Variants in BCKDHB observed in about 807,000 individuals in gnomAD.
BCKDHB encodes the protein branched chain keto acid dehydrogenase E1 subunit beta.
A neutral mutation model predicts 48.5 loss-of-function variants in BCKDHB; 41 were observed. The observed-to-expected ratio is 0.85, with a 90% CI of 0.66 to 1.10. BCKDHB has a LOEUF of 1.10. BCKDHB is among the 50% of genes least tolerant of loss of function. The pLI is 0.00. For synonymous variants in BCKDHB, 201 were observed against 174.8 expected, an observed-to-expected ratio of 1.15 and a Z score of -1.18; for missense variants, 496 against 494.2, an observed-to-expected ratio of 1.00 and a Z score of -0.03.
intron 9 of BCKDHB, 128 bp from the exon 10 acceptor site, chr6:80,343,536 T>C (rs1943426103): frequency 2.0e-6 from 2 of 1,024,424 alleles, no homozygotes; most frequent in South Asian, 1.4e-5. Context: ...TATTACAGTA[T>C]ACTTAAATAT....
intron 3 of BCKDHB, among the ~76,000 whole-genome samples, chr6:80,136,927 C>T (rs1039090612): frequency 2.6e-5 from 4 of 152,110 alleles, no homozygotes; most frequent in Non-Finnish European, 5.9e-5. Flanking sequence ...ACTTCGTACT[C>T]ATTAGGATGG....
At chr6:80,406,959 C>T in the BCKDHB span, among the ~76,000 whole-genome samples, 113 of 152,140 alleles carry the variant, frequency 7.4e-4, no homozygotes, top group African/African-American at 2.6e-3. Flanking sequence ...GTACTGCCTA[C>T]GTTTCCTTCT....
In BCKDHB at chr6:80,205,197, G is replaced by C. The variant is rs184015996; in HGVS notation, c.951+1985G>C. ...GATTTAGAGATGATTTTAAAGAAGA[G>C]GGCCCTATAACCAAATATTTATATG... On this transcript the variant is annotated intron_variant, in intron 8 of 9. Transcript: ENST00000320393. 2.0e-5 allele frequency among the ~76,000 whole-genome samples: 3 copies of C among 152,030 alleles called. No homozygotes were observed. The East Asian group carries it at 5.8e-4, about 29-fold the overall frequency.
In BCKDHB at chr6:80,252,264, G is replaced by A. The variant is rs542621511; in HGVS notation, c.952-20871G>A. Reference sequence around the variant, plus strand: ...ACAGAAATTTCCTTCATACAACACTGGACTTATTTTTTTCTATCAAATGAT... The same window carrying A: ...ACAGAAATTTCCTTCATACAACACTAGACTTATTTTTTTCTATCAAATGAT... On this transcript the variant is annotated intron_variant, in intron 8 of 9. Transcript: ENST00000320393. Among the ~76,000 whole-genome samples the A allele has an allele frequency of 1.5e-4, 23 of 152,150 alleles. No individual in the cohort carries two copies. The South Asian group carries it at 4.8e-3, about 32-fold the overall frequency.
At chr6:80,279,476 G>A (rs1408801731) in intron 9 of BCKDHB, among the ~76,000 whole-genome samples, 2 of 151,860 alleles carry the variant, frequency 1.3e-5, no homozygotes, top group Non-Finnish European at 2.9e-5. Context: ...CCTTATCTTT[G>A]TCTCCAGCTG....
intron 9 of BCKDHB, among the ~76,000 whole-genome samples, chr6:80,330,549 A>G (rs1206985584): frequency 6.6e-6 from 1 of 152,222 alleles, no homozygotes; most frequent in Non-Finnish European, 1.5e-5. Flanking sequence ...CATACCTAAA[A>G]TGAGACACCA....
intron 9 of BCKDHB, among the ~76,000 whole-genome samples, chr6:80,315,630 A>G (rs184056836): frequency 9.6e-5 from 14 of 146,588 alleles, no homozygotes; most frequent in Non-Finnish European, 3.0e-5. Context: ...ATTTTTATTT[A>G]TTTTTAGAGA....
intron 8 of BCKDHB, among the ~76,000 whole-genome samples, chr6:80,243,263 C>A (rs763681737): frequency 1.3e-5 from 2 of 152,120 alleles, no homozygotes; most frequent in Non-Finnish European, 2.9e-5. Context: ...TTCTTCAGCA[C>A]CAGCACAAAG....
intron 9 of BCKDHB, chr6:80,343,451 TAAA>T: frequency 1.7e-6 from 1 of 593,798 alleles, no homozygotes. Flanking sequence ...TATACAGGTA[TAAA>T]ATGCATATGC....
chr6:80,343,993 T>C lies in BCKDHB; in HGVS notation c.*189T>C. 1 of 628,584 alleles carries C rather than the reference T, an allele frequency of 1.6e-6. No homozygotes were observed. Among genetic ancestry groups the C allele is most frequent in the Non-Finnish European group, 2.6e-6 (1 of 382,090 alleles). The allele number at this position is 628,584 out of a possible 1,614,324, so 38.9% of individuals were successfully genotyped here. ...AAATTCAAATTTATAGTAGTATATT[T>C]ACATTTTTGTTGTTGTTGTTGTTCT... On this transcript the variant is annotated 3_prime_UTR_variant, in exon 10 of 10. Coordinates refer to ENST00000320393, the MANE Select transcript of BCKDHB (RefSeq NM_183050.4).
intron 3 of BCKDHB, among the ~76,000 whole-genome samples, chr6:80,132,229 ACC>A (rs1770666080): frequency 6.6e-6 from 1 of 151,684 alleles, no homozygotes; most frequent in Non-Finnish European, 1.5e-5. Flanking sequence ...ACTCTTCCGG[ACC>A]CTCCAAGCAG....
At chr6:80,149,974 A>G (rs1369211806) in intron 3 of BCKDHB, among the ~76,000 whole-genome samples, 2 of 91,802 alleles carry the variant, frequency 2.2e-5, no homozygotes, top group Admixed American at 1.3e-4. Context: ...AACTTAAAGC[A>G]TAATAATAAT....
chr6:80,369,404 G>T, the BCKDHB span, among the ~76,000 whole-genome samples: 1 of 152,222 alleles, frequency 6.6e-6, no homozygotes, highest in Non-Finnish European at 1.5e-5. Context: ...AGTTTGAAGG[G>T]TATTAAAAAC....
At chr6:80,366,434 A>G in the BCKDHB span, among the ~76,000 whole-genome samples, 2 of 152,176 alleles carry the variant, frequency 1.3e-5, no homozygotes, top group Admixed American at 6.5e-5. Context: ...AGTCAGCAAC[A>G]TTTCTCTTTA....
the BCKDHB span, among the ~76,000 whole-genome samples, chr6:80,404,248 C>G: frequency 1.3e-5 from 2 of 151,818 alleles, no homozygotes; most frequent in Non-Finnish European, 2.9e-5. Flanking sequence ...CTGATTTAGT[C>G]TTCTTACTTG....
At chr6:80,379,251 G>A in the BCKDHB span, among the ~76,000 whole-genome samples, 1 of 151,990 alleles carries the variant, frequency 6.6e-6, no homozygotes, top group Admixed American at 6.6e-5. Flanking sequence ...AATCACATGG[G>A]CTTTATTCCA....
At chr6:80,269,054 T>C (rs916799965) in intron 8 of BCKDHB, among the ~76,000 whole-genome samples, 1 of 152,118 alleles carries the variant, frequency 6.6e-6, no homozygotes, top group Non-Finnish European at 1.5e-5. Context: ...AAACGATTTG[T>C]TTTAATGGAG....
intron 9 of BCKDHB, among the ~76,000 whole-genome samples, chr6:80,294,031 T>A (rs1448528482): frequency 1.3e-5 from 2 of 152,194 alleles, no homozygotes; most frequent in African/African-American, 4.8e-5. Flanking sequence ...CTTTCCCACA[T>A]TTTCCTGTCT....
chr6:80,149,263 C>T (rs533012452), intron 3 of BCKDHB, among the ~76,000 whole-genome samples: 8 of 152,268 alleles, frequency 5.3e-5, no homozygotes, highest in African/African-American at 1.2e-4. Context: ...ATCAAAACCA[C>T]AGTGAGATAC....
Sources: allele counts gnomAD v4.1 joint callset (sites outside exome capture counted in the v4.1 genomes callset), GRCh38; gene constraint gnomAD v4.1.1; transcripts MANE v1.5; gene names NCBI Gene and HGNC (gene_info 2026-07-23, HGNC 2026-07-21).